Variants in ATXN3 observed in about 807,000 individuals in gnomAD.
ATXN3 encodes ataxin 3.
ATXN3 carries 28 observed loss-of-function variants against 58.2 expected under a neutral mutation model. The ratio of observed to expected loss-of-function variants is 0.48; its 90% CI spans 0.36 to 0.66. ATXN3 has a LOEUF of 0.66. ATXN3 is among the 30% of genes least tolerant of loss of function. The probability of loss-of-function intolerance (pLI) is 0.00; values close to 1 mark genes in which losing one functional copy is unlikely to be tolerated. For missense variants in ATXN3, 321 were observed against 422.1 expected (o/e 0.76, Z 2.10); for synonymous variants, 113 against 138.5 (o/e 0.82, Z 1.29).
chr14:92,067,074 GTT>G (rs1375942545), intron 10 of ATXN3, among the ~76,000 whole-genome samples: 1 of 151,860 alleles, frequency 6.6e-6, no homozygotes, highest in Non-Finnish European at 1.5e-5. Flanking sequence ...CCAGCCTAGA[GTT>G]TTTGTCTTTC....
intron 9 of ATXN3, chr14:92,071,417 G>A (rs766735261): frequency 5.5e-6 from 2 of 364,704 alleles, no homozygotes; most frequent in Non-Finnish European, 1.1e-5. Context: ...ACAACACGGT[G>A]AAACCCCATC....
rs16999141 is a variant in ATXN3, at chr14:92,083,242, G to A, written c.492C>T (p.Val164=). The A allele has an allele frequency of 0.49, 794,534 of 1,608,028 alleles. 199,485 individuals are homozygous for A. Among genetic ancestry groups the A allele is most frequent in the African/African-American group, 0.69 (51,182 of 74,588 alleles). The part of the protein sequence containing the change: ...QLQQEGYSIF[V]VKGDLPDCEA... ...CGCAATCTGGCAGATCACCCTTAAC[G>A]ACAAATATAGAATAACCTAAAAAAA... The change falls in exon 7 of 11, where the codon GTC becomes GTT. Residue 164 remains valine, a synonymous_variant. Transcript: ENST00000644486.
At chr14:92,079,608 TG>T in intron 9 of ATXN3, 1 of 181,466 alleles carries the variant, frequency 5.5e-6, no homozygotes, top group Non-Finnish European at 1.1e-5. Context: ...GACATTGAAA[TG>T]TGAAACTATG....
Position 92,078,217 on chromosome 14 carries a change from C to G in ATXN3, c.872+2748G>C, listed in dbSNP as rs191004545. ...CTTGTACTCCTGACCCTCCTGACCT[C>G]AGGTGATCCGCCCACCTCAGCCTTC... On this transcript the variant is annotated intron_variant, in intron 9 of 10. Transcript: ENST00000644486. Among the ~76,000 whole-genome samples, 814 of 152,176 alleles carry G rather than the reference C, an allele frequency of 5.3e-3. 9 individuals carry two copies. Among genetic ancestry groups the G allele is most frequent in the African/African-American group, 0.019 (782 of 41,530 alleles).
chr14:92,056,914 A>G (rs2057471806), downstream of ATXN3, among the ~76,000 whole-genome samples: 1 of 152,190 alleles, frequency 6.6e-6, no homozygotes, highest in Non-Finnish European at 1.5e-5. Context: ...GGTCTGCACA[A>G]GATACAGATC....
At position 92,061,208 on chromosome 14, in the gene ATXN3, G is replaced by A. The variant is rs1328387150; in HGVS notation, c.*3112C>T. 1 of 150,060 alleles carries A rather than the reference G, an allele frequency of 6.7e-6. No homozygotes were observed. The highest frequency in any genetic ancestry group is 1.5e-5 in the Non-Finnish European group (1 of 67,672). 9.3% of individuals were successfully genotyped at this position (150,060 alleles called of 1,614,324 possible). A position where few individuals can be genotyped will look rare whatever the true frequency, so the allele number is the denominator to read the frequency against. ...TGAGTTTTTTTCCTCATTTACTTTG[G>A]CATCATGAATAAAGTTAAGAAAAAT... On this transcript the variant is annotated 3_prime_UTR_variant, in exon 11 of 11. Transcript: ENST00000644486.
rs557155400 is a variant in ATXN3 at position 92,093,729 on chromosome 14, G to A, written c.320+17C>T. 1.3e-6 allele frequency: 2 copies of A among 1,542,182 alleles called. No individual in the cohort carries two copies. Among genetic ancestry groups the A allele is most frequent in the Admixed American group, 2.0e-5 (1 of 50,936 alleles). On this transcript the variant is annotated intron_variant, in intron 4 of 10. Transcript: ENST00000644486. Reference sequence around the variant, plus strand: ...ATTTGGGAAAAGAAATGTATGAAATGCAAAACAGAATCTTACATAGGATCG... The same window carrying A: ...ATTTGGGAAAAGAAATGTATGAAATACAAAACAGAATCTTACATAGGATCG...
Position 92,059,866 on chromosome 14 carries a change from C to T in ATXN3, c.*4454G>A, listed in dbSNP as rs2057633418. ...GAAAGAAAGAAAAAGAAAATAGCGG[C>T]CCAACGCCTCTTCGTTTCCGGATTA... On this transcript the variant is annotated 3_prime_UTR_variant, in exon 11 of 11. Coordinates refer to ENST00000644486, the MANE Select transcript of ATXN3 (RefSeq NM_004993.6). The T allele has an allele frequency of 6.6e-6, 1 of 151,232 alleles. No individual in the cohort carries two copies. The highest frequency in any genetic ancestry group is 2.4e-5 in the African/African-American group (1 of 41,166). 9.4% of individuals were successfully genotyped at this position (151,232 alleles called of 1,614,324 possible). A position where few individuals can be genotyped will look rare whatever the true frequency, so the allele number is the denominator to read the frequency against.
Position 92,096,858 on chromosome 14 carries a change from A to G in ATXN3, c.25-20T>C. On this transcript the variant is annotated intron_variant, in intron 1 of 10. Coordinates refer to ENST00000644486, the MANE Select transcript of ATXN3 (RefSeq NM_004993.6). ...TTCTTGCTAATATTTCCAAAAGAAA[A>G]AATTAAAATGTGACTTGTTAAACAG... 1 of 1,609,396 alleles carries G rather than the reference A, an allele frequency of 6.2e-7. No homozygotes were observed. The highest frequency in any genetic ancestry group is 8.5e-7 in the Non-Finnish European group (1 of 1,176,356).
At chr14:92,078,268 G>A (rs1209838002) in intron 9 of ATXN3, among the ~76,000 whole-genome samples, 1 of 152,066 alleles carries the variant, frequency 6.6e-6, no homozygotes, top group East Asian at 1.9e-4. Flanking sequence ...AGAGGCGTGA[G>A]CCACCGTGCC....
upstream of ATXN3, among the ~76,000 whole-genome samples, chr14:92,051,718 CTTTTTTTTTTTTTT>C (rs1160650510): frequency 8.1e-4 from 29 of 35,710 alleles, 2 homozygotes; most frequent in East Asian, 0.022. Context: ...CTTTTCCTTT[CTTTTTTTTTTTTTT>C]TTTTTTTTTT....
intron 9 of ATXN3, chr14:92,079,583 C>T (rs2061065251): frequency 4.0e-6 from 1 of 247,768 alleles, no homozygotes; most frequent in Non-Finnish European, 6.5e-6. Flanking sequence ...CTGTAAGATG[C>T]TTCTCAATTT....
intron 5 of ATXN3, among the ~76,000 whole-genome samples, chr14:92,092,859 ATTTT>A (rs1199404693): frequency 2.7e-5 from 2 of 75,414 alleles, no homozygotes; most frequent in South Asian, 1.0e-3. Context: ...TTTTAAATAT[ATTTT>A]TTTTATTTTT....
At position 92,083,255 on chromosome 14, in the gene ATXN3, TA is replaced by T; in HGVS notation, c.478del (p.Tyr160IlefsTer21). ...ATCACCCTTAACGACAAATATAGAA[TA>T]ACCTAAAAAAAAAAGGCAAAAATCA... ...LFLAQLQQEG[Y>X]SIFVVKGDLP... On this transcript the variant is annotated frameshift_variant and splice_region_variant, in exon 7 of 11. Coordinates refer to ENST00000644486, the MANE Select transcript of ATXN3 (RefSeq NM_004993.6). LOFTEE classifies it high-confidence loss of function. The T allele has an allele frequency of 6.3e-7, 1 of 1,592,454 alleles. No individual in the cohort carries two copies. Among genetic ancestry groups the T allele is most frequent in the Non-Finnish European group, 8.5e-7 (1 of 1,174,450 alleles).
At chr14:92,075,387 G>A (rs892791737) in intron 9 of ATXN3, among the ~76,000 whole-genome samples, 4 of 152,018 alleles carry the variant, frequency 2.6e-5, no homozygotes, top group South Asian at 4.1e-4. Flanking sequence ...GGCTAGTCTC[G>A]AACTCCTGAC....
chr14:92,057,339 G>A (rs141687472), downstream of ATXN3, among the ~76,000 whole-genome samples: 1,104 of 151,880 alleles, frequency 7.3e-3, 20 homozygotes, highest in Admixed American at 0.051. Context: ...TTGCTTGAAC[G>A]CGGGAGGCAG....
intron 1 of ATXN3, 144 bp downstream of exon 1, chr14:92,106,378 AGGAGGCG>A: frequency 1.0e-6 from 1 of 966,534 alleles, no homozygotes; most frequent in Non-Finnish European, 1.6e-6. Flanking sequence ...CCTCGAGCCG[AGGAGGCG>A]GGAGGCTGCG....
Position 92,063,940 on chromosome 14 carries a change from T to G in ATXN3, c.*380A>C, listed in dbSNP as rs2057963305. On this transcript the variant is annotated 3_prime_UTR_variant, in exon 11 of 11. Transcript: ENST00000644486. ...CACTATTACATGATGTGAGCCAACT[T>G]ACCTACAAGACAGAAAAAGAAAACA... 6.3e-6 allele frequency: 1 copy of G among 159,766 alleles called. No individual in the cohort carries two copies. The highest frequency in any genetic ancestry group is 1.4e-5 in the Non-Finnish European group (1 of 73,050). 9.9% of individuals were successfully genotyped at this position (159,766 alleles called of 1,614,324 possible). A position where few individuals can be genotyped will look rare whatever the true frequency, so the allele number is the denominator to read the frequency against.
chr14:92,058,236 T>C (rs2057504631), downstream of ATXN3: 1 of 152,244 alleles, frequency 6.6e-6, no homozygotes, highest in South Asian at 2.1e-4. Flanking sequence ...TACTTTAGTG[T>C]CCTGGGGATC....
Sources: allele counts gnomAD v4.1 joint callset (sites outside exome capture counted in the v4.1 genomes callset), GRCh38; gene constraint gnomAD v4.1.1; transcripts MANE v1.5; gene names NCBI Gene and HGNC (gene_info 2026-07-23, HGNC 2026-07-21).